The following TUBGCP4 variants were observed in gnomAD, a reference collection of about 807,000 sequenced individuals.
TUBGCP4 encodes gamma-tubulin complex component 4.
TUBGCP4 carries 54 observed loss-of-function variants against 91.6 expected under a neutral mutation model. The ratio of observed to expected loss-of-function variants is 0.59; its 90% CI spans 0.47 to 0.74. TUBGCP4 has a LOEUF of 0.74. Ranked by LOEUF, TUBGCP4 falls within the 30% of genes least tolerant of loss-of-function variation. The pLI, the probability that TUBGCP4 is intolerant of heterozygous loss-of-function variation, is 0.00. For missense variants in TUBGCP4, 593 were observed against 800.9 expected, an observed-to-expected ratio of 0.74 and a Z score of 3.13; for synonymous variants, 297 against 302.8, an observed-to-expected ratio of 0.98 and a Z score of 0.20.
intron 6 of TUBGCP4, among the ~76,000 whole-genome samples, chr15:43,382,879 C>G (rs972194191): frequency 6.6e-6 from 1 of 152,080 alleles, no homozygotes; most frequent in Non-Finnish European, 1.5e-5. Flanking sequence ...CTGGCACTCA[C>G]GTATTGAATA....
chr15:43,407,673 C>T lies in TUBGCP4; in HGVS notation c.*2459C>T, dbSNP rs2044954603. On this transcript the variant is annotated 3_prime_UTR_variant, in exon 18 of 18. Transcript: ENST00000564079. ...ACCAATACATCCCACTCTGCACAAA[C>T]CAAAGCCCTATTATGTCAAACACAC... 2.6e-6 allele frequency: 3 copies of T among 1,151,994 alleles called. No individual in the cohort carries two copies. In the East Asian group the frequency reaches 7.7e-5, roughly 29 times the overall value. The allele number at this position is 1,151,994 out of a possible 1,614,324, so 71.4% of individuals were successfully genotyped here.
intron 6 of TUBGCP4, among the ~76,000 whole-genome samples, chr15:43,381,954 T>G (rs1261842635): frequency 1.3e-5 from 2 of 152,148 alleles, no homozygotes; most frequent in East Asian, 3.9e-4. Context: ...CTGGGCATGG[T>G]GGCACACACC....
In TUBGCP4 at chr15:43,401,929, G is replaced by A. The variant is rs2044690720; in HGVS notation, c.1731+79G>A. 1.9e-5 allele frequency: 29 copies of A among 1,527,138 alleles called. No homozygotes were observed. The South Asian group carries it at 2.2e-4, about 11-fold the overall frequency. 94.6% of individuals were successfully genotyped at this position (1,527,138 alleles called of 1,614,324 possible). A position where few individuals can be genotyped will look rare whatever the true frequency, so the allele number is the denominator to read the frequency against. On this transcript the variant is annotated intron_variant, in intron 15 of 17. Coordinates refer to ENST00000564079, the MANE Select transcript of TUBGCP4 (RefSeq NM_014444.5). ...TAGGCAGTTTGAGTTGACAGGATAC[G>A]AAACCATCATTAAGCAATTATTCAA...
At chr15:43,398,561 CCAT>C (rs1360841328) in intron 13 of TUBGCP4, among the ~76,000 whole-genome samples, 2 of 152,080 alleles carry the variant, frequency 1.3e-5, no homozygotes, top group African/African-American at 4.8e-5. Context: ...CTACTTCAAA[CCAT>C]CATTTTTTTA....
Position 43,406,716 on chromosome 15 carries a change from A to G in TUBGCP4, c.*1502A>G. On this transcript the variant is annotated 3_prime_UTR_variant, in exon 18 of 18. Coordinates refer to ENST00000564079, the MANE Select transcript of TUBGCP4 (RefSeq NM_014444.5). ...TTGTGACAATAATAATAATAATAAT[A>G]TTGGGTCTTTGACTAGAACGTGTAA... 2.4e-6 allele frequency: 1 copy of G among 425,012 alleles called. No homozygotes were observed. Among genetic ancestry groups the G allele is most frequent in the South Asian group, 1.7e-5 (1 of 58,266 alleles). 26.3% of individuals were successfully genotyped at this position (425,012 alleles called of 1,614,324 possible). A position where few individuals can be genotyped will look rare whatever the true frequency, so the allele number is the denominator to read the frequency against.
chr15:43,404,042 TG>T, intron 16 of TUBGCP4: 1 of 547,074 alleles, frequency 1.8e-6, no homozygotes, highest in Non-Finnish European at 3.3e-6. Context: ...AAATAAGCAT[TG>T]GGTTGTTCTA....
intron 1 of TUBGCP4, among the ~76,000 whole-genome samples, chr15:43,375,437 A>C (rs1383815625): frequency 6.6e-6 from 1 of 152,236 alleles, no homozygotes; most frequent in East Asian, 1.9e-4. Context: ...TATTTTTAAA[A>C]AGTTGGTTGA....
At chr15:43,386,377 AT>A (rs748820688) in intron 9 of TUBGCP4, 47 bp downstream of exon 9, 995 of 18,994 alleles carry the variant, frequency 0.052, 17 homozygotes, top group Admixed American at 0.081. Context: ...ATATATATAT[AT>A]TTTTTTTTTT....
chr15:43,409,045 G>T lies in TUBGCP4; in HGVS notation c.*3831G>T. The T allele has an allele frequency of 5.0e-6, 8 of 1,614,166 alleles. No homozygotes were observed. Among genetic ancestry groups the T allele is most frequent in the Non-Finnish European group, 6.8e-6 (8 of 1,180,018 alleles). On this transcript the variant is annotated 3_prime_UTR_variant, in exon 18 of 18. Transcript: ENST00000564079. ...CTGGCAAGGCACAGGAAGTACTTCC[G>T]GGTTCGACAATGCTGATCCGCAATT...
chr15:43,387,792 C>T (rs1294333953), intron 9 of TUBGCP4, among the ~76,000 whole-genome samples: 1 of 152,048 alleles, frequency 6.6e-6, no homozygotes, highest in Non-Finnish European at 1.5e-5. Context: ...CCTGCACTTG[C>T]ACCAAGTCCT....
intron 1 of TUBGCP4, among the ~76,000 whole-genome samples, chr15:43,372,305 T>C (rs2044136107): frequency 6.6e-6 from 1 of 152,160 alleles, no homozygotes; most frequent in African/African-American, 2.4e-5. Context: ...CTTAGGAGAC[T>C]GTGGAAGAGC....
chr15:43,407,020 G>A lies in TUBGCP4; in HGVS notation c.*1806G>A. ...CCTACCTTAAACTGAGTTTCTGCAA[G>A]CATAGCATTTTAGACACCCTGGAAT... On this transcript the variant is annotated 3_prime_UTR_variant, in exon 18 of 18. Transcript: ENST00000564079. The A allele has an allele frequency of 4.2e-6, 1 of 240,320 alleles. No homozygotes were observed. Among genetic ancestry groups the A allele is most frequent in the African/African-American group, 2.3e-5 (1 of 44,106 alleles). The allele number at this position is 240,320 out of a possible 1,614,324, so 14.9% of individuals were successfully genotyped here. A position where few individuals can be genotyped will look rare whatever the true frequency, so the allele number is the denominator to read the frequency against.
At chr15:43,401,597 C>A in intron 14 of TUBGCP4, 119 bp from the exon 15 acceptor site, 1 of 1,077,892 alleles carries the variant, frequency 9.3e-7, no homozygotes, top group Non-Finnish European at 1.4e-6. Flanking sequence ...CTTAATGTGA[C>A]TTGGTTAGAA....
In TUBGCP4 at chr15:43,407,105, C is replaced by T. The variant is rs2242067; in HGVS notation, c.*1891C>T. 0.17 allele frequency: 56,779 copies of T among 331,622 alleles called. 8,254 individuals are homozygous for T. The highest frequency in any genetic ancestry group is 0.49 in the African/African-American group (23,321 of 47,582). 20.5% of individuals were successfully genotyped at this position (331,622 alleles called of 1,614,324 possible). On this transcript the variant is annotated 3_prime_UTR_variant, in exon 18 of 18. Transcript: ENST00000564079. The stretch of plus-strand genomic sequence containing the variant: ...ACTCTTAACTTTTCAATTTCCTTGG[C>T]CAGCTGTCCTCCGTAAGTGAATAAG...
rs1322759974 is a variant in TUBGCP4 at position 43,377,942 on chromosome 15, T to C, written c.441+39T>C. 4.8e-6 allele frequency: 7 copies of C among 1,451,902 alleles called. No individual in the cohort carries two copies. In the East Asian group the frequency reaches 1.2e-4, roughly 24 times the overall value. The allele number at this position is 1,451,902 out of a possible 1,614,324, so 89.9% of individuals were successfully genotyped here. Reference sequence around the variant, plus strand: ...TTATTCCTTTTGCTTTGCTAAGCACTGAGGGAATATTACTAATTAATTTTG... The same window carrying C: ...TTATTCCTTTTGCTTTGCTAAGCACCGAGGGAATATTACTAATTAATTTTG... On this transcript the variant is annotated intron_variant, in intron 5 of 17. Coordinates refer to ENST00000564079, the MANE Select transcript of TUBGCP4 (RefSeq NM_014444.5).
At chr15:43,402,591 G>A (rs980825922) in intron 15 of TUBGCP4, 4 of 152,174 alleles carry the variant, frequency 2.6e-5, no homozygotes, top group Non-Finnish European at 4.4e-5. Flanking sequence ...ATGTGTTTCT[G>A]TAAGTACATA....
chr15:43,405,205 C>A lies in TUBGCP4; in HGVS notation c.1992C>A (p.Phe664Leu). ...YTQAGGTLGS[F>L]GM The stretch of plus-strand genomic sequence containing the variant: ...AGGCTCTTTTTCTCTTTTGTAGTTT[C>A]GGGATGTGAAAATTTCTGGCTCATA... The change falls in exon 18 of 18, where the codon TTC (phenylalanine) becomes TTA (leucine). Residue 664 changes from phenylalanine (F) to leucine (L), a missense_variant. Phe to Leu is a conservative substitution (Grantham distance 22, BLOSUM62 0). Transcript: ENST00000564079. 6.2e-7 allele frequency: 1 copy of A among 1,614,082 alleles called. No individual in the cohort carries two copies. The highest frequency in any genetic ancestry group is 8.5e-7 in the Non-Finnish European group (1 of 1,179,974).
intron 9 of TUBGCP4, chr15:43,391,334 G>C (rs1232814964): frequency 6.6e-6 from 1 of 152,274 alleles, no homozygotes; most frequent in African/African-American, 2.4e-5. Flanking sequence ...TGAGTAGCTA[G>C]TATTACAGGT....
chr15:43,373,165 A>G (rs967355374), intron 1 of TUBGCP4, among the ~76,000 whole-genome samples: 1 of 152,238 alleles, frequency 6.6e-6, no homozygotes, highest in Non-Finnish European at 1.5e-5. Flanking sequence ...CTCTTAAACA[A>G]CTATAAAATC....
Sources: gnomAD v4.1 joint callset for allele counts (sites outside exome capture counted in the v4.1 genomes callset) on GRCh38, gnomAD v4.1.1 for gene constraint, MANE v1.5 for transcripts, NCBI Gene and HGNC (gene_info 2026-07-23, HGNC 2026-07-21) for gene names.